Variants in DLGAP2 observed in about 807,000 individuals in gnomAD.
DLGAP2 encodes the protein DLG associated protein 2, also known as disks large-associated protein 2.
In DLGAP2, 26 loss-of-function variants were observed where a neutral mutation model predicts 100.3. The observed-to-expected ratio is 0.26, with a 90% confidence interval of 0.19 to 0.36. The LOEUF (loss-of-function observed/expected upper bound fraction) is 0.36. Among genes scored for constraint, DLGAP2 ranks in the 10% least tolerant of loss-of-function variants. The pLI is 1.00. For missense variants in DLGAP2, 1,858 were observed against 1,453.2 expected (o/e 1.28, Z -4.53); for synonymous variants, 886 against 630.1 (o/e 1.41, Z -6.08).
At chr8:1,417,403 G>A (rs919224952) in intron 3 of DLGAP2, among the ~76,000 whole-genome samples, 7 of 152,218 alleles carry the variant, frequency 4.6e-5, no homozygotes, top group African/African-American at 1.7e-4. Flanking sequence ...AGGACACGGA[G>A]CCTCTGATTG....
chr8:1,683,148 T>C (rs575845285), intron 12 of DLGAP2, among the ~76,000 whole-genome samples: 2 of 151,674 alleles, frequency 1.3e-5, no homozygotes, highest in African/African-American at 2.4e-5. Context: ...CTGTTGAGTG[T>C]CATAAGAGAA....
chr8:893,171 G>A (rs1798071318), intron 1 of DLGAP2: 1 of 152,210 alleles, frequency 6.6e-6, no homozygotes, highest in South Asian at 2.1e-4. Flanking sequence ...TGCAACGTGG[G>A]GCAGAAGTGG....
chr8:1,548,837 C>T lies in DLGAP2; in HGVS notation c.384C>T (p.Cys128=). The T allele has an allele frequency of 1.3e-6, 2 of 1,579,624 alleles. No individual in the cohort carries two copies. Among genetic ancestry groups the T allele is most frequent in the Non-Finnish European group, 1.7e-6 (2 of 1,166,684 alleles). ...PPYLLSPADS[C]PGGRHRCSPR... is the part of the protein sequence containing the mutation. The stretch of plus-strand genomic sequence containing the variant: ...ACCTGCTGAGCCCCGCCGACAGCTG[C>T]CCCGGGGGGCGCCACCGCTGCTCGC... The change falls in exon 5 of 15, where the codon TGC becomes TGT. Residue 128 remains cysteine, a synonymous_variant. Transcript: ENST00000637795.
intron 1 of DLGAP2, among the ~76,000 whole-genome samples, chr8:768,377 G>A (rs947730381): frequency 6.6e-6 from 1 of 150,976 alleles, no homozygotes. Context: ...TTCGCTGTGG[G>A]CTTGTATGGA....
At chr8:1,632,063 GGAGGGGGT>G (rs1455435109) in intron 7 of DLGAP2, among the ~76,000 whole-genome samples, 1 of 152,016 alleles carries the variant, frequency 6.6e-6, no homozygotes, top group East Asian at 1.9e-4. Flanking sequence ...AATCTGAATG[GGAGGGGGT>G]GAGGGGAGAA....
At chr8:1,337,437 GAT>G (rs1801311591) in intron 3 of DLGAP2, among the ~76,000 whole-genome samples, 1 of 140,484 alleles carries the variant, frequency 7.1e-6, no homozygotes, top group African/African-American at 2.5e-5. Flanking sequence ...TGATGGTGAT[GAT>G]GATGATGGTG....
chr8:1,533,252 A>G (rs991116865), intron 4 of DLGAP2, among the ~76,000 whole-genome samples: 2 of 152,200 alleles, frequency 1.3e-5, no homozygotes, highest in African/African-American at 2.4e-5. Context: ...TAATTCCAGC[A>G]CTTTGGGAGG....
intron 1 of DLGAP2, among the ~76,000 whole-genome samples, chr8:901,420 A>G (rs1231842702): frequency 6.6e-6 from 1 of 152,240 alleles, no homozygotes; most frequent in Non-Finnish European, 1.5e-5. Flanking sequence ...GATAAAAAGT[A>G]AAGTGTTTAT....
chr8:854,381 A>G, intron 1 of DLGAP2, among the ~76,000 whole-genome samples: 1 of 152,048 alleles, frequency 6.6e-6, no homozygotes, highest in East Asian at 1.9e-4. Flanking sequence ...GTCTTGGTCC[A>G]TTTGTGTGGC....
chr8:1,314,137 C>G (rs1033346), intron 3 of DLGAP2, among the ~76,000 whole-genome samples: 1 of 151,952 alleles, frequency 6.6e-6, no homozygotes, highest in Non-Finnish European at 1.5e-5. Flanking sequence ...AAATTGTAAC[C>G]TTTCATAAAA....
intron 2 of DLGAP2, among the ~76,000 whole-genome samples, chr8:1,137,983 C>T (rs866875252): frequency 3.3e-5 from 5 of 152,222 alleles, no homozygotes; most frequent in South Asian, 2.1e-4. Flanking sequence ...GCAATCCACC[C>T]GCCTCAGCCT....
At chr8:1,322,285 C>T (rs1800918647) in intron 3 of DLGAP2, among the ~76,000 whole-genome samples, 1 of 152,200 alleles carries the variant, frequency 6.6e-6, no homozygotes, top group African/African-American at 2.4e-5. Context: ...AAAAGCCAAG[C>T]ATACTGAAAA....
intron 3 of DLGAP2, among the ~76,000 whole-genome samples, chr8:1,299,545 G>T (rs542274887): frequency 6.6e-6 from 1 of 152,200 alleles, no homozygotes; most frequent in African/African-American, 2.4e-5. Context: ...ACTGCAACTC[G>T]GTTTTCAGAA....
intron 6 of DLGAP2, among the ~76,000 whole-genome samples, chr8:1,608,993 C>G (rs1278152250): frequency 3.3e-5 from 5 of 151,338 alleles, no homozygotes; most frequent in African/African-American, 4.9e-5. Context: ...AGAACTTCCC[C>G]AATCTAGCAA....
chr8:1,694,309 T>C (rs1248756101), intron 13 of DLGAP2, among the ~76,000 whole-genome samples: 2 of 152,092 alleles, frequency 1.3e-5, no homozygotes, highest in African/African-American at 4.8e-5. Context: ...CAAAGCCAAA[T>C]GGTCCGCAGC....
intron 3 of DLGAP2, among the ~76,000 whole-genome samples, chr8:1,456,360 T>G (rs754314822): frequency 6.6e-6 from 1 of 152,188 alleles, no homozygotes; most frequent in Non-Finnish European, 1.5e-5. Flanking sequence ...ACCGAAATTC[T>G]GTCGTCTTCC....
chr8:1,588,703 A>G (rs539681417), intron 6 of DLGAP2, among the ~76,000 whole-genome samples: 4 of 147,756 alleles, frequency 2.7e-5, no homozygotes, highest in South Asian at 4.5e-4. Flanking sequence ...GCAGTTCAAG[A>G]CCAGTCTGGC....
At chr8:899,565 T>C (rs997900359) in intron 1 of DLGAP2, among the ~76,000 whole-genome samples, 26 of 152,194 alleles carry the variant, frequency 1.7e-4, no homozygotes, top group African/African-American at 6.0e-4. Context: ...TTAATTACTT[T>C]TAATGCCATA....
intron 2 of DLGAP2, among the ~76,000 whole-genome samples, chr8:1,097,612 T>C (rs6998677): frequency 0.18 from 13,612 of 77,394 alleles, 2,161 homozygotes; most frequent in East Asian, 0.36. Flanking sequence ...TCCCCTCCAG[T>C]GTGAGACCCA....
Sources: gnomAD v4.1 joint callset for allele counts (sites outside exome capture counted in the v4.1 genomes callset) on GRCh38, gnomAD v4.1.1 for gene constraint, MANE v1.5 for transcripts, NCBI Gene and HGNC (gene_info 2026-07-23, HGNC 2026-07-21) for gene names.